Variants in NAV2 observed in about 807,000 individuals in gnomAD.
NAV2 encodes neuron navigator 2, also known as helicase, APC down-regulated 1.
Under a neutral mutation model 223.2 loss-of-function variants are expected in NAV2, and 54 were observed. The observed-to-expected ratio is 0.24, with a 90% CI of 0.19 to 0.30. The LOEUF (loss-of-function observed/expected upper bound fraction) is 0.30, where lower values mean the gene tolerates loss of function less well. Ranked by LOEUF, NAV2 falls within the 10% of genes least tolerant of loss-of-function variation. The pLI, the probability that NAV2 is intolerant of heterozygous loss-of-function variation, is 1.00. For synonymous variants in NAV2, 1,279 were observed against 1,239.3 expected, an observed-to-expected ratio of 1.03 and a Z score of -0.67; for missense variants, 2,806 against 3,147.5, an observed-to-expected ratio of 0.89 and a Z score of 2.60.
intron 1 of NAV2, among the ~76,000 whole-genome samples, chr11:19,510,394 C>G (rs1206507053): frequency 2.0e-5 from 3 of 152,222 alleles, no homozygotes; most frequent in Non-Finnish European, 4.4e-5. Flanking sequence ...GATTTCTTGT[C>G]TCCTTCTCTG....
In NAV2 at chr11:20,118,349, C is replaced by A. The variant is rs1200657353; in HGVS notation, c.*91C>A. 4 of 1,447,650 alleles carry A rather than the reference C, an allele frequency of 2.8e-6. No homozygotes were observed. Among genetic ancestry groups the A allele is most frequent in the Non-Finnish European group, 3.8e-6 (4 of 1,055,440 alleles). 89.7% of individuals were successfully genotyped at this position (1,447,650 alleles called of 1,614,324 possible). A position where few individuals can be genotyped will look rare whatever the true frequency, so the allele number is the denominator to read the frequency against. On this transcript the variant is annotated 3_prime_UTR_variant, in exon 38 of 38. Transcript: ENST00000349880. ...CCCTGAAGATGACTTCCTGAGCCAG[C>A]CCCCAGCCACAGCCTTAGAGCTGCG...
chr11:19,571,380 T>C (rs2045419520), intron 1 of NAV2, among the ~76,000 whole-genome samples: 1 of 152,194 alleles, frequency 6.6e-6, no homozygotes, highest in African/African-American at 2.4e-5. Flanking sequence ...CTACGCAGCA[T>C]TATGAAAGTA....
At chr11:20,040,915 G>C (rs2056860557) in intron 12 of NAV2, among the ~76,000 whole-genome samples, 1 of 152,182 alleles carries the variant, frequency 6.6e-6, no homozygotes, top group South Asian at 2.1e-4. Context: ...AGCTCATGAA[G>C]GATTCAGAGT....
At chr11:20,110,711 A>G (rs1476122000) in intron 36 of NAV2, among the ~76,000 whole-genome samples, 1 of 152,094 alleles carries the variant, frequency 6.6e-6, no homozygotes, top group Non-Finnish European at 1.5e-5. Context: ...CTATGATTTC[A>G]TTTGACAAAA....
At chr11:19,563,346 C>T (rs1035147511) in intron 1 of NAV2, among the ~76,000 whole-genome samples, 4 of 152,148 alleles carry the variant, frequency 2.6e-5, no homozygotes, top group East Asian at 1.9e-4. Context: ...ACTCAGGAGT[C>T]GGAACCCCAT....
intron 1 of NAV2, among the ~76,000 whole-genome samples, chr11:19,582,592 A>T (rs1451989422): frequency 1.3e-5 from 2 of 152,214 alleles, no homozygotes; most frequent in African/African-American, 4.8e-5. Flanking sequence ...ATGGCTAGCC[A>T]GTTTTCCCAG....
upstream of NAV2, among the ~76,000 whole-genome samples, chr11:19,349,813 C>T (rs116475718): frequency 8.1e-4 from 124 of 152,278 alleles, no homozygotes; most frequent in African/African-American, 2.7e-3. Flanking sequence ...TCTCCTCCCT[C>T]CCTGTCCCTC....
chr11:19,855,492 C>A (rs971946632), intron 3 of NAV2, among the ~76,000 whole-genome samples: 1 of 152,168 alleles, frequency 6.6e-6, no homozygotes, highest in African/African-American at 2.4e-5. Flanking sequence ...CAGTAGCTTT[C>A]TTGGGTGAGA....
intron 1 of NAV2, among the ~76,000 whole-genome samples, chr11:19,461,791 T>A (rs1193791986): frequency 1.3e-5 from 2 of 152,228 alleles, no homozygotes; most frequent in African/African-American, 2.4e-5. Flanking sequence ...TAAAGAAGAA[T>A]GTTTTATGAA....
At chr11:19,403,063 ACCTCTCTG>A (rs909489786) in intron 1 of NAV2, among the ~76,000 whole-genome samples, 7 of 152,186 alleles carry the variant, frequency 4.6e-5, no homozygotes, top group African/African-American at 1.7e-4. Flanking sequence ...AACTTATTTA[ACCTCTCTG>A]TGATTCTGTT....
intron 10 of NAV2, among the ~76,000 whole-genome samples, chr11:19,980,109 C>T (rs2050164631): frequency 6.6e-6 from 1 of 152,210 alleles, no homozygotes; most frequent in South Asian, 2.1e-4. Flanking sequence ...TAACAACAGT[C>T]ATGTTCCTTA....
chr11:19,992,583 C>CTTTTTTTT (rs780559920), intron 11 of NAV2, among the ~76,000 whole-genome samples: 4 of 103,580 alleles, frequency 3.9e-5, no homozygotes, highest in East Asian at 2.9e-4. Context: ...TCCTGAAGTA[C>CTTTTTTTT]TTTTTTTTTT....
At chr11:19,653,597 C>T (rs2048033801) in intron 1 of NAV2, among the ~76,000 whole-genome samples, 3 of 152,184 alleles carry the variant, frequency 2.0e-5, no homozygotes, top group Admixed American at 6.5e-5. Context: ...AATTCTGCTG[C>T]CCTGGTTGCT....
chr11:19,835,626 C>A (rs1456907454), intron 2 of NAV2, among the ~76,000 whole-genome samples: 1 of 151,690 alleles, frequency 6.6e-6, no homozygotes, highest in Non-Finnish European at 1.5e-5. Context: ...CATACATGCC[C>A]ATTAAAAGAA....
intron 3 of NAV2, among the ~76,000 whole-genome samples, chr11:19,855,630 C>T (rs1358045172): frequency 6.6e-6 from 1 of 152,182 alleles, no homozygotes; most frequent in African/African-American, 2.4e-5. Flanking sequence ...AAGAGGCATG[C>T]ATTCCGGGTT....
rs894031176 is a variant in NAV2, at chr11:19,516,317, G to A, written c.75+165290G>A. Among the ~76,000 whole-genome samples, 17 of 152,084 alleles carry A rather than the reference G, an allele frequency of 1.1e-4. 1 individual carries two copies. The highest frequency in any genetic ancestry group is 2.1e-4 in the South Asian group (1 of 4,822). On this transcript the variant is annotated intron_variant, in intron 1 of 37. Transcript: ENST00000360655. ...ATTGAAGTTTGAGCCCCACAATACC[G>A]AATGAACTGCCACCTTTCCTAACAA... is the stretch of plus-strand genomic sequence containing the variant.
chr11:20,042,069 C>A (rs1176639767), intron 12 of NAV2, among the ~76,000 whole-genome samples: 1 of 152,178 alleles, frequency 6.6e-6, no homozygotes, highest in Non-Finnish European at 1.5e-5. Context: ...CCCAGATTCT[C>A]TGACCCTCCG....
At chr11:20,000,784 A>G (rs1299115821) in intron 11 of NAV2, among the ~76,000 whole-genome samples, 1 of 152,242 alleles carries the variant, frequency 6.6e-6, no homozygotes, top group East Asian at 1.9e-4. Flanking sequence ...TTTGAGCTCC[A>G]CTGGAGAGCT....
chr11:19,766,556 C>T (rs931588023), intron 1 of NAV2, among the ~76,000 whole-genome samples: 2 of 152,186 alleles, frequency 1.3e-5, no homozygotes, highest in Non-Finnish European at 1.5e-5. Flanking sequence ...TTCCCAGAAA[C>T]ACACAGCTGA....
Sources: gnomAD v4.1 joint callset for allele counts (sites outside exome capture counted in the v4.1 genomes callset) on GRCh38, gnomAD v4.1.1 for gene constraint, MANE v1.5 for transcripts, NCBI Gene and HGNC (gene_info 2026-07-23, HGNC 2026-07-21) for gene names.